The following GPC5 variants were observed in gnomAD, a reference collection of about 807,000 sequenced individuals.
GPC5 encodes glypican 5, also known as glypican-5.
In GPC5, 47 loss-of-function variants were observed where a neutral mutation model predicts 53.9. That is an observed-to-expected ratio of 0.87 (90% confidence interval 0.69 to 1.11). GPC5 has a LOEUF of 1.11. GPC5 is among the 50% of genes most tolerant of loss of function. GPC5 has a pLI of 0.00. For missense variants in GPC5, 748 were observed against 713.1 expected, an observed-to-expected ratio of 1.05 and a Z score of -0.56; for synonymous variants, 286 against 263.3, an observed-to-expected ratio of 1.09 and a Z score of -0.84.
intron 7 of GPC5, among the ~76,000 whole-genome samples, chr13:92,256,426 T>C (rs953485651): frequency 9.2e-5 from 14 of 152,052 alleles, no homozygotes; most frequent in African/African-American, 3.4e-4. Flanking sequence ...ATTTGTGTTT[T>C]GAAACATTTT....
In GPC5 at chr13:92,754,239, A is replaced by T. The variant is rs547107722; in HGVS notation, c.1562-112043A>T. 9.2e-5 allele frequency among the ~76,000 whole-genome samples: 14 copies of T among 152,314 alleles called. No individual in the cohort carries two copies. The South Asian group carries it at 2.1e-3, about 23-fold the overall frequency. On this transcript the variant is annotated intron_variant, in intron 7 of 7. Coordinates refer to ENST00000377067, the MANE Select transcript of GPC5 (RefSeq NM_004466.6). ...ATATCCAGCCAAACTAAGCTTCATA[A>T]GTGAAGGAGAAATAAAATATTTTAC...
chr13:91,999,962 A>G (rs2040539938), intron 6 of GPC5, among the ~76,000 whole-genome samples: 1 of 152,232 alleles, frequency 6.6e-6, no homozygotes, highest in South Asian at 2.1e-4. Flanking sequence ...GTATCTAAAT[A>G]TAAGTTATTT....
chr13:91,623,484 CAG>C (rs1185774052), intron 2 of GPC5, among the ~76,000 whole-genome samples: 2 of 152,060 alleles, frequency 1.3e-5, no homozygotes, highest in African/African-American at 2.4e-5. Context: ...AGAAGCACAG[CAG>C]AGAGTCTCTA....
rs143889320 is a variant in GPC5, at chr13:91,663,208, C to T, written c.326-29979C>T. ...TTGCGGCCACAGACAATTGTAAAGA[C>T]CCATATTTGGGGGAACATAAGATTC... is the stretch of plus-strand genomic sequence containing the variant. On this transcript the variant is annotated intron_variant, in intron 2 of 7. Transcript: ENST00000377067. 4.2e-3 allele frequency among the ~76,000 whole-genome samples: 638 copies of T among 152,196 alleles called. 18 individuals are homozygous for T. Among genetic ancestry groups the T allele is most frequent in the Admixed American group, 0.036 (558 of 15,294 alleles).
At chr13:91,700,814 G>A (rs1439834892) in intron 3 of GPC5, among the ~76,000 whole-genome samples, 4 of 152,144 alleles carry the variant, frequency 2.6e-5, no homozygotes, top group African/African-American at 7.2e-5. Flanking sequence ...AGTTATTGAG[G>A]TTTCTTTGAG....
chr13:91,845,431 A>G (rs1192719521), intron 5 of GPC5, among the ~76,000 whole-genome samples: 1 of 152,130 alleles, frequency 6.6e-6, no homozygotes, highest in African/African-American at 2.4e-5. Context: ...GACTACCACA[A>G]TCAAGTTAAC....
chr13:92,277,908 G>A (rs1054304846), intron 7 of GPC5, among the ~76,000 whole-genome samples: 4 of 151,852 alleles, frequency 2.6e-5, no homozygotes, highest in African/African-American at 7.2e-5. Flanking sequence ...GAAAAATATA[G>A]TCATATATAC....
intron 7 of GPC5, among the ~76,000 whole-genome samples, chr13:92,581,313 A>G (rs1883361036): frequency 6.6e-6 from 1 of 152,274 alleles, no homozygotes; most frequent in Admixed American, 6.5e-5. Flanking sequence ...AAGCAAGATC[A>G]TGTGGTATTT....
At chr13:91,587,868 T>A (rs1186309921) in intron 2 of GPC5, among the ~76,000 whole-genome samples, 1 of 152,152 alleles carries the variant, frequency 6.6e-6, no homozygotes. Context: ...AGTCTAACAC[T>A]TTTGAGAGAT....
At chr13:92,454,980 A>G (rs1448779573) in intron 7 of GPC5, among the ~76,000 whole-genome samples, 3 of 152,198 alleles carry the variant, frequency 2.0e-5, no homozygotes, top group Admixed American at 2.0e-4. Context: ...ATCCTGAGGG[A>G]GATGAGCTGT....
At chr13:92,252,640 A>G (rs9589463) in intron 7 of GPC5, among the ~76,000 whole-genome samples, 2,277 of 152,160 alleles carry the variant, frequency 0.015, 62 homozygotes, top group African/African-American at 0.052. Context: ...TTCTATAAAA[A>G]CAGTTACTTG....
chr13:92,451,784 A>G (rs1178289115), intron 7 of GPC5, among the ~76,000 whole-genome samples: 6 of 152,152 alleles, frequency 3.9e-5, no homozygotes, highest in Non-Finnish European at 8.8e-5. Context: ...ATTGCTGCAA[A>G]ATTGTCAAAG....
At chr13:91,459,968 A>T (rs778805466) in intron 2 of GPC5, among the ~76,000 whole-genome samples, 1 of 152,206 alleles carries the variant, frequency 6.6e-6, no homozygotes, top group African/African-American at 2.4e-5. Context: ...TAAATTTATA[A>T]CAAACTTTGA....
chr13:91,931,552 G>A (rs1054383049), intron 6 of GPC5, among the ~76,000 whole-genome samples: 3 of 151,972 alleles, frequency 2.0e-5, no homozygotes, highest in Non-Finnish European at 4.4e-5. Flanking sequence ...CACTGTGTTA[G>A]TAAACAGCAA....
chr13:91,787,563 G>A (rs1271117398), intron 5 of GPC5, among the ~76,000 whole-genome samples: 1 of 152,148 alleles, frequency 6.6e-6, no homozygotes, highest in Non-Finnish European at 1.5e-5. Context: ...GCTGAAGAAA[G>A]TAGGGGGAGA....
intron 2 of GPC5, among the ~76,000 whole-genome samples, chr13:91,659,348 C>T (rs2139606170): frequency 6.6e-6 from 1 of 152,224 alleles, no homozygotes; most frequent in South Asian, 2.1e-4. Flanking sequence ...TTTTAATACT[C>T]TGGGGGCCAA....
At chr13:92,812,490 C>A (rs979330586) in intron 7 of GPC5, among the ~76,000 whole-genome samples, 8 of 151,730 alleles carry the variant, frequency 5.3e-5, no homozygotes, top group African/African-American at 1.2e-4. Context: ...ATTAAACAAG[C>A]TTTTATAAGT....
At position 92,751,302 on chromosome 13, in the gene GPC5, T is replaced by TAAAAAAAAAAA. The variant is rs1566400471; in HGVS notation, c.1562-114980_1562-114979insAAAAAAAAAAA. 4.3e-3 allele frequency among the ~76,000 whole-genome samples: 149 copies of TAAAAAAAAAAA among 34,386 alleles called. 28 individuals carry two copies. The highest frequency in any genetic ancestry group is 0.045 in the Middle Eastern group (2 of 44). The allele number at this position is 34,386 out of a possible 152,430, so 22.6% of individuals were successfully genotyped here. A position where few individuals can be genotyped will look rare whatever the true frequency, so the allele number is the denominator to read the frequency against. On this transcript the variant is annotated intron_variant, in intron 7 of 7. Coordinates refer to ENST00000377067, the MANE Select transcript of GPC5 (RefSeq NM_004466.6). ...AAAACCTTTGGTCATCCAGAAACAT[T>TAAAAAAAAAAA]TAAAAAAAAAAAAAAAAAAAAAAAA...
At chr13:92,145,880 C>G (rs1375171017) in intron 7 of GPC5, among the ~76,000 whole-genome samples, 2 of 152,104 alleles carry the variant, frequency 1.3e-5, no homozygotes, top group Admixed American at 6.6e-5. Flanking sequence ...ATTAGACATG[C>G]CTTTTGGTGG....
Sources: allele counts gnomAD v4.1 joint callset (sites outside exome capture counted in the v4.1 genomes callset), GRCh38; gene constraint gnomAD v4.1.1; transcripts MANE v1.5; gene names NCBI Gene and HGNC (gene_info 2026-07-23, HGNC 2026-07-21).